PRIMA1: variants seen among roughly 807,000 people sequenced by gnomAD.
PRIMA1 encodes the protein proline rich membrane anchor 1, also known as proline-rich membrane anchor 1.
Under a neutral mutation model 17.5 loss-of-function variants are expected in PRIMA1, and 7 were observed. The observed-to-expected ratio is 0.40, with a 90% CI of 0.23 to 0.75. The LOEUF (loss-of-function observed/expected upper bound fraction) is 0.75. Among genes scored for constraint, PRIMA1 ranks in the 30% least tolerant of loss-of-function variants. The pLI is 0.37. For missense variants in PRIMA1, 200 were observed against 201.8 expected, an observed-to-expected ratio of 0.99 and a Z score of 0.05; for synonymous variants, 97 against 77.9, an observed-to-expected ratio of 1.25 and a Z score of -1.29.
intron 4 of PRIMA1, among the ~76,000 whole-genome samples, chr14:93,722,797 A>AT (rs1479562982): frequency 1.3e-3 from 1 of 742 alleles, no homozygotes; most frequent in Non-Finnish European, 0.012. Context: ...GGTAATGAAG[A>AT]TGGGGTGGCG....
chr14:93,755,953 C>T (rs770413362), intron 3 of PRIMA1, among the ~76,000 whole-genome samples: 2 of 152,212 alleles, frequency 1.3e-5, no homozygotes, highest in Non-Finnish European at 2.9e-5. Context: ...TCTTCCCCAC[C>T]CGAAGCTCTT....
chr14:93,747,547 TGTGTGAGA>T (rs2076226788), intron 3 of PRIMA1, among the ~76,000 whole-genome samples: 1 of 151,252 alleles, frequency 6.6e-6, no homozygotes, highest in South Asian at 2.1e-4. Context: ...AGTGTGTGAG[TGTGTGAGA>T]GTGTGAGTGT....
chr14:93,756,891 C>T (rs1030188527), intron 3 of PRIMA1, among the ~76,000 whole-genome samples: 2 of 152,216 alleles, frequency 1.3e-5, no homozygotes, highest in African/African-American at 4.8e-5. Context: ...GTGTCCTCCA[C>T]AGCAGCCTCT....
At chr14:93,755,237 T>C (rs936880568) in intron 3 of PRIMA1, among the ~76,000 whole-genome samples, 5 of 152,172 alleles carry the variant, frequency 3.3e-5, no homozygotes, top group African/African-American at 7.2e-5. Flanking sequence ...TGTGTATATA[T>C]GTATCCTGAG....
At chr14:93,774,560 GGCT>G (rs912896907) in intron 3 of PRIMA1, among the ~76,000 whole-genome samples, 6 of 152,138 alleles carry the variant, frequency 3.9e-5, no homozygotes, top group African/African-American at 1.4e-4. Flanking sequence ...CTGATCCTTG[GGCT>G]GCTAATTCTG....
rs138774106 is a variant in PRIMA1, at chr14:93,764,275, T to C, written c.229+14901A>G. Among the ~76,000 whole-genome samples the C allele has an allele frequency of 1.4e-3, 217 of 151,098 alleles. 1 individual carries two copies. Among genetic ancestry groups the C allele is most frequent in the African/African-American group, 4.8e-3 (197 of 41,122 alleles). On this transcript the variant is annotated intron_variant, in intron 3 of 4. Coordinates refer to ENST00000393140, the MANE Select transcript of PRIMA1 (RefSeq NM_178013.4). ...TCCCTCTGTGGAAGCACAGCCCTTC[T>C]TCCCCTCCCCCACCCCCGCCTTCAG...
At position 93,778,664 on chromosome 14, in the gene PRIMA1, G is replaced by A. The variant is rs368347394; in HGVS notation, c.229+512C>T. On this transcript the variant is annotated intron_variant, in intron 3 of 4. Coordinates refer to ENST00000393140, the MANE Select transcript of PRIMA1 (RefSeq NM_178013.4). ...AACGCTCCTTTGTTTGAACGACGGCGCAATCAAATTGTTCAGAGATGAAAT... is the reference window on the plus strand; with the variant it reads ...AACGCTCCTTTGTTTGAACGACGGCACAATCAAATTGTTCAGAGATGAAAT... Among the ~76,000 whole-genome samples the A allele has an allele frequency of 1.6e-4, 25 of 152,322 alleles. No individual in the cohort carries two copies. In the South Asian group the frequency reaches 2.5e-3, roughly 15 times the overall value.
intron 4 of PRIMA1, among the ~76,000 whole-genome samples, chr14:93,735,692 C>CTT (rs11288194): frequency 1.4e-4 from 17 of 124,638 alleles, no homozygotes; most frequent in African/African-American, 4.8e-4. Context: ...TTCTTTCTTC[C>CTT]TTTTTTTTTT....
intron 3 of PRIMA1, among the ~76,000 whole-genome samples, chr14:93,756,322 C>T (rs1047188673): frequency 4.6e-5 from 7 of 152,120 alleles, no homozygotes; most frequent in African/African-American, 1.7e-4. Flanking sequence ...GGGGCAGTGG[C>T]CCAGGCTGTG....
At position 93,720,411 on chromosome 14, in the gene PRIMA1, CA is replaced by C. The variant is rs2076029867; in HGVS notation, c.*1032del. On this transcript the variant is annotated 3_prime_UTR_variant, in exon 5 of 5. Transcript: ENST00000393140. ...TGAAAGGAAGACCCTGGAAGAACAACACCTCCTTCTTGGCGACTGGGGCTCG... is the reference window on the plus strand; with the variant it reads ...TGAAAGGAAGACCCTGGAAGAACAACCCTCCTTCTTGGCGACTGGGGCTCG... 6.6e-6 allele frequency: 1 copy of C among 152,512 alleles called. No individual in the cohort carries two copies. The highest frequency in any genetic ancestry group is 2.4e-5 in the African/African-American group (1 of 41,474). 9.4% of individuals were successfully genotyped at this position (152,512 alleles called of 1,614,324 possible).
chr14:93,737,533 C>T (rs112962193), intron 3 of PRIMA1, among the ~76,000 whole-genome samples, 163 bp from the exon 4 acceptor site: 1 of 149,536 alleles, frequency 6.7e-6, no homozygotes, highest in African/African-American at 2.5e-5. Flanking sequence ...ACTGGTGGGA[C>T]CATTATGGGT....
At chr14:93,733,812 C>T (rs1030877356) in intron 4 of PRIMA1, among the ~76,000 whole-genome samples, 2 of 152,228 alleles carry the variant, frequency 1.3e-5, no homozygotes, top group African/African-American at 2.4e-5. Flanking sequence ...GCAAGAAATC[C>T]TCCACTTCGC....
intron 3 of PRIMA1, among the ~76,000 whole-genome samples, 174 bp downstream of exon 3, chr14:93,779,002 T>C (rs1373209691): frequency 2.6e-5 from 4 of 152,030 alleles, no homozygotes; most frequent in Non-Finnish European, 5.9e-5. Context: ...AGGAGCACGC[T>C]GTGGGAAAGG....
intron 4 of PRIMA1, among the ~76,000 whole-genome samples, chr14:93,727,331 A>G (rs79239357): frequency 0.011 from 1,716 of 152,316 alleles, 34 homozygotes; most frequent in African/African-American, 0.039. Flanking sequence ...CCCCTTGAGC[A>G]CTGCTCTGCA....
chr14:93,771,122 G>C (rs923351048), intron 3 of PRIMA1, among the ~76,000 whole-genome samples: 9 of 150,980 alleles, frequency 6.0e-5, no homozygotes, highest in Non-Finnish European at 1.2e-4. Flanking sequence ...GTGCATGTAT[G>C]TGTGTGCATG....
At chr14:93,753,517 G>A (rs113284015) in intron 3 of PRIMA1, among the ~76,000 whole-genome samples, 8 of 152,288 alleles carry the variant, frequency 5.3e-5, no homozygotes, top group African/African-American at 1.9e-4. Context: ...CTGATTGCTG[G>A]CAGGGATGAC....
chr14:93,772,029 C>T (rs906632014), intron 3 of PRIMA1, among the ~76,000 whole-genome samples: 7 of 152,214 alleles, frequency 4.6e-5, no homozygotes, highest in African/African-American at 1.4e-4. Flanking sequence ...GCAATAATAC[C>T]ACCTATTACA....
At position 93,737,304 on chromosome 14, in the gene PRIMA1, A is replaced by G; in HGVS notation, c.296T>C (p.Val99Ala). ...CAGAAACACCAGGGAGGCACAGCAT[A>G]CGGCAATGATGATCACCAGCCCCGA... ...WWSGLVIIIA[V>A]CCASLVFLTV... Residue 99 changes from valine (V) to alanine (A), a missense_variant, in exon 4 of 5, where the codon GTA becomes GCA. Transcript: ENST00000393140. 1 of 1,614,186 alleles carries G rather than the reference A, an allele frequency of 6.2e-7. No individual in the cohort carries two copies. The highest frequency in any genetic ancestry group is 8.5e-7 in the Non-Finnish European group (1 of 1,180,038).
At chr14:93,761,464 C>T (rs956042669) in intron 3 of PRIMA1, among the ~76,000 whole-genome samples, 2 of 152,220 alleles carry the variant, frequency 1.3e-5, no homozygotes, top group Non-Finnish European at 2.9e-5. Flanking sequence ...CCCTCGTGGT[C>T]ACTGTGCCCA....
Sources: gnomAD v4.1 joint callset for allele counts (sites outside exome capture counted in the v4.1 genomes callset) on GRCh38, gnomAD v4.1.1 for gene constraint, MANE v1.5 for transcripts, NCBI Gene and HGNC (gene_info 2026-07-23, HGNC 2026-07-21) for gene names.